BCOR: variants seen among roughly 807,000 people sequenced by gnomAD.
The protein encoded by BCOR is BCL-6 corepressor.
A neutral mutation model predicts 86.7 loss-of-function variants in BCOR; 10 were observed. The ratio of observed to expected loss-of-function variants is 0.12; its 90% confidence interval spans 0.07 to 0.20. The LOEUF (loss-of-function observed/expected upper bound fraction) is 0.20. Ranked by LOEUF, BCOR falls within the 10% of genes least tolerant of loss-of-function variation. The pLI is 1.00. For synonymous variants in BCOR, 611 were observed against 609.0 expected, an observed-to-expected ratio of 1.00 and a Z score of -0.05; for missense variants, 1,259 against 1,452.1, an observed-to-expected ratio of 0.87 and a Z score of 2.16.
At chrX:40,119,542 C>T (rs1364436664) in intron 1 of BCOR, among the ~76,000 whole-genome samples, 1 of 110,496 alleles carries the variant, frequency 9.1e-6, no homozygotes, top group African/African-American at 3.3e-5. Flanking sequence ...GTGTGGTGGG[C>T]GTGCTGTAGT....
chrX:40,099,196 C>A (rs1042876399), upstream of BCOR, among the ~76,000 whole-genome samples: 11 of 106,565 alleles, frequency 1.0e-4, no homozygotes, highest in Admixed American at 2.9e-4. Context: ...GCGCACCCGG[C>A]GCGGCTCTGG....
chrX:40,136,365 A>C (rs758385772), intron 1 of BCOR, among the ~76,000 whole-genome samples: 40 of 111,972 alleles, frequency 3.6e-4, no homozygotes, highest in African/African-American at 1.2e-3. Flanking sequence ...CAGTGTTGTG[A>C]CAAGAGCTTA....
chrX:40,119,001 T>G (rs1937440193), intron 1 of BCOR, among the ~76,000 whole-genome samples: 1 of 111,679 alleles, frequency 9.0e-6, no homozygotes, highest in Non-Finnish European at 1.9e-5. Context: ...CCCAGCTAAT[T>G]TTTGTATTTT....
At chrX:40,176,656 A>T (rs1160269007) in intron 1 of BCOR, among the ~76,000 whole-genome samples, 1 of 98,609 alleles carries the variant, frequency 1.0e-5, no homozygotes, top group Non-Finnish European at 2.1e-5. Context: ...CCTGGCTCCC[A>T]CACCGGTCCC....
chrX:40,081,791 G>A (rs1315703670), intron 1 of BCOR, among the ~76,000 whole-genome samples: 1 of 112,487 alleles, frequency 8.9e-6, no homozygotes, highest in African/African-American at 3.2e-5. Flanking sequence ...GATAGGGATG[G>A]AGAGGAAAGA....
At chrX:40,110,007 T>TTCTC (rs1237988795) in intron 1 of BCOR, among the ~76,000 whole-genome samples, 1 of 112,307 alleles carries the variant, frequency 8.9e-6, no homozygotes, top group East Asian at 2.8e-4. Flanking sequence ...CTTTTGTGTG[T>TTCTC]TCTCTCTCTC....
intron 1 of BCOR, among the ~76,000 whole-genome samples, chrX:40,135,942 A>C (rs111450148): frequency 4.5e-5 from 5 of 112,101 alleles, no homozygotes; most frequent in African/African-American, 1.6e-4. Flanking sequence ...TTTTGGTTTG[A>C]AACACCTGTT....
chrX:40,127,964 C>T (rs1019616902), intron 1 of BCOR, among the ~76,000 whole-genome samples: 3 of 111,398 alleles, frequency 2.7e-5, no homozygotes, highest in Admixed American at 1.9e-4. Context: ...CTGTGGCTCA[C>T]GCCTGTAATC....
Position 40,052,409 on chromosome X carries a change from CAG to C in BCOR, c.4977-11_4977-10del. ...GTAGCCAGTTTCGTGGCCTACAAAA[CAG>C]AAAGGAAAATGCTTTGAGTTTCCAG... On this transcript the variant is annotated splice_polypyrimidine_tract_variant and intron_variant, in intron 14 of 14. Coordinates refer to ENST00000378444, the MANE Select transcript of BCOR (RefSeq NM_001123385.2). 8.3e-7 allele frequency: 1 copy of C among 1,208,215 alleles called. No homozygotes were observed. Among genetic ancestry groups the C allele is most frequent in the Non-Finnish European group, 1.1e-6 (1 of 892,538 alleles).
chrX:40,078,520 G>A (rs1172020156), intron 1 of BCOR, among the ~76,000 whole-genome samples: 3 of 111,844 alleles, frequency 2.7e-5, no homozygotes, highest in African/African-American at 9.8e-5. Flanking sequence ...GCTGTCGTGT[G>A]TGCAACTTAC....
At chrX:40,069,780 G>A (rs967266492) in intron 6 of BCOR, among the ~76,000 whole-genome samples, 1 of 112,273 alleles carries the variant, frequency 8.9e-6, no homozygotes, top group Non-Finnish European at 1.9e-5. Context: ...ACCCAAGAGT[G>A]GCTTGGACCT....
chrX:40,156,057 AC>A (rs1449843813), intron 1 of BCOR, among the ~76,000 whole-genome samples: 22 of 113,076 alleles, frequency 1.9e-4, no homozygotes, highest in Non-Finnish European at 3.8e-4. Flanking sequence ...TCGTGGTCAC[AC>A]CCTGCAAAGC....
chrX:40,098,914 G>A (rs1937013480), upstream of BCOR, among the ~76,000 whole-genome samples: 1 of 112,463 alleles, frequency 8.9e-6, no homozygotes, highest in South Asian at 3.7e-4. Flanking sequence ...GGGGGCGGTC[G>A]GCGAGCGGAG....
chrX:40,160,371 C>T (rs1423835807), intron 1 of BCOR, among the ~76,000 whole-genome samples: 1 of 110,997 alleles, frequency 9.0e-6, no homozygotes, highest in Non-Finnish European at 1.9e-5. Context: ...CCACCCGCCT[C>T]GGCCTCCCAG....
intron 1 of BCOR, among the ~76,000 whole-genome samples, chrX:40,144,491 G>C (rs1300639606): frequency 8.9e-6 from 1 of 111,897 alleles, no homozygotes; most frequent in African/African-American, 3.3e-5. Flanking sequence ...TTGTTAGGTG[G>C]ATCATTGCGG....
At chrX:40,131,058 C>G (rs926825408) in intron 1 of BCOR, among the ~76,000 whole-genome samples, 2 of 112,019 alleles carry the variant, frequency 1.8e-5, no homozygotes, top group Non-Finnish European at 3.8e-5. Context: ...AGAAGACCCA[C>G]GCCAACCAAA....
chrX:40,057,247 C>A lies in BCOR; in HGVS notation c.4503G>T (p.Leu1501=). The A allele has an allele frequency of 1.7e-6, 2 of 1,211,906 alleles. No individual in the cohort carries two copies. Among genetic ancestry groups the A allele is most frequent in the Non-Finnish European group, 2.2e-6 (2 of 895,279 alleles). The change falls in exon 11 of 15, where the codon CTG becomes CTT. Residue 1501 remains leucine, a synonymous_variant. Transcript: ENST00000378444. The stretch of plus-strand genomic sequence containing the variant: ...GCCAGCCCCTAGCACAAGCTTCATG[C>A]AGGGCGCAGTAACCTGCGTTGTCCC... The part of the protein sequence containing the change: ...NHRDNAGYCA[L]HEACARGWLN...
At chrX:40,173,117 T>C (rs760471641) in intron 1 of BCOR, among the ~76,000 whole-genome samples, 1 of 111,749 alleles carries the variant, frequency 8.9e-6, no homozygotes, top group Non-Finnish European at 1.9e-5. Flanking sequence ...GTCCAGGCAG[T>C]CCTCTCGAAA....
At chrX:40,124,691 C>G (rs981440870) in intron 1 of BCOR, among the ~76,000 whole-genome samples, 1 of 110,700 alleles carries the variant, frequency 9.0e-6, no homozygotes, top group African/African-American at 3.3e-5. Context: ...CAGACTTGAC[C>G]TCCCGGGCTC....
Sources: gnomAD v4.1 joint callset for allele counts (sites outside exome capture counted in the v4.1 genomes callset) on GRCh38, gnomAD v4.1.1 for gene constraint, MANE v1.5 for transcripts, NCBI Gene and HGNC (gene_info 2026-07-23, HGNC 2026-07-21) for gene names.